The following TET3 variants were observed in gnomAD, a reference collection of about 807,000 sequenced individuals.
TET3 encodes tet methylcytosine dioxygenase 3, also known as methylcytosine dioxygenase TET3.
A neutral mutation model predicts 141.4 loss-of-function variants in TET3; 19 were observed. The ratio of observed to expected loss-of-function variants is 0.13; its 90% CI spans 0.09 to 0.20. The LOEUF (loss-of-function observed/expected upper bound fraction) is 0.20. Among genes scored for constraint, TET3 ranks in the 10% least tolerant of loss-of-function variants. TET3 has a pLI of 1.00. For missense variants in TET3, 1,874 were observed against 2,356.9 expected, an observed-to-expected ratio of 0.80 and a Z score of 4.24; for synonymous variants, 1,043 against 980.9, an observed-to-expected ratio of 1.06 and a Z score of -1.18.
chr2:73,987,444 G>A (rs1312813330), intron 2 of TET3, among the ~76,000 whole-genome samples: 1 of 152,178 alleles, frequency 6.6e-6, no homozygotes, highest in Non-Finnish European at 1.5e-5. Context: ...AGCAGGCAGG[G>A]TGGGAAGGAA....
intron 2 of TET3, among the ~76,000 whole-genome samples, chr2:73,991,653 A>C (rs1039395905): frequency 2.0e-5 from 3 of 151,964 alleles, no homozygotes; most frequent in Non-Finnish European, 4.4e-5. Flanking sequence ...ATTCTGATTT[A>C]ATTGATCCAG....
intron 10 of TET3, among the ~76,000 whole-genome samples, chr2:74,095,018 G>A (rs1162804797): frequency 6.6e-6 from 1 of 152,114 alleles, no homozygotes; most frequent in East Asian, 1.9e-4. Context: ...AGGGAGTTTG[G>A]ACTTGGTTAG....
At chr2:74,080,739 T>G in intron 6 of TET3, 148 bp downstream of exon 6, 5 of 634,794 alleles carry the variant, frequency 7.9e-6, no homozygotes, top group East Asian at 3.3e-5. Flanking sequence ...GACAACATGT[T>G]GACTGTCCAG....
rs1378643663 is a variant in TET3 at position 74,099,628 on chromosome 2, G to A, written c.3604+16G>A. The stretch of plus-strand genomic sequence containing the variant: ...TCGGACCCAGGTGTGTGGGGGGAGG[G>A]TGCCCGCTTGGAGTCACAATGGCAC... On this transcript the variant is annotated intron_variant, in intron 11 of 11. Coordinates refer to ENST00000409262, the MANE Select transcript of TET3 (RefSeq NM_001287491.2). 6.5e-7 allele frequency: 1 copy of A among 1,533,876 alleles called. No individual in the cohort carries two copies. Among genetic ancestry groups the A allele is most frequent in the South Asian group, 1.2e-5 (1 of 80,808 alleles).
At chr2:73,993,081 A>T (rs1684415097) in intron 2 of TET3, 1 of 152,232 alleles carries the variant, frequency 6.6e-6, no homozygotes, top group African/African-American at 2.4e-5. Context: ...CACCTGGGAA[A>T]CGTAGCAAAA....
chr2:74,036,057 A>C (rs1687040577), intron 3 of TET3, among the ~76,000 whole-genome samples: 1 of 152,204 alleles, frequency 6.6e-6, no homozygotes, highest in Non-Finnish European at 1.5e-5. Context: ...ACTTGGTATT[A>C]AACTAAAATA....
chr2:74,096,402 G>C (rs553299029), intron 10 of TET3, among the ~76,000 whole-genome samples: 2 of 152,168 alleles, frequency 1.3e-5, no homozygotes, highest in Admixed American at 1.3e-4. Context: ...TCTGTTCAGC[G>C]TAATAAAACA....
chr2:74,079,214 G>A (rs1442851546), intron 5 of TET3, among the ~76,000 whole-genome samples: 1 of 152,206 alleles, frequency 6.6e-6, no homozygotes, highest in East Asian at 1.9e-4. Context: ...GGGCGTGGTG[G>A]CAGGCACCTG....
At chr2:74,123,240 G>T in the TET3 span, 1 of 152,238 alleles carries the variant, frequency 6.6e-6, no homozygotes, top group Admixed American at 6.5e-5. Flanking sequence ...CAAATCGCTT[G>T]AATTCAGGCG....
At position 74,047,252 on chromosome 2, in the gene TET3, G is replaced by A. The variant is rs747629760; in HGVS notation, c.1335G>A (p.Thr445=). Reference sequence around the variant, plus strand: ...GGGGCACTGACACCCCTCCAGCAACGCCCCGGAGCTCCTGGCCCATGCCTC... The same window carrying A: ...GGGGCACTGACACCCCTCCAGCAACACCCCGGAGCTCCTGGCCCATGCCTC... The part of the protein sequence containing the change: ...EAWGTDTPPA[T]PRSSWPMPRP... Residue 445 remains threonine (T), a synonymous_variant, in exon 4 of 12, where the codon ACG becomes ACA. Transcript: ENST00000409262. 6.8e-6 allele frequency: 11 copies of A among 1,613,930 alleles called. No individual in the cohort carries two copies. Among genetic ancestry groups the A allele is most frequent in the South Asian group, 3.3e-5 (3 of 91,080 alleles).
rs556931394 is a variant in TET3 at position 74,103,866 on chromosome 2, A to G, written c.*1690A>G. The G allele has an allele frequency of 2.0e-5, 3 of 153,488 alleles. No homozygotes were observed. In the Admixed American group the frequency reaches 2.0e-4, roughly 10 times the overall value. 9.5% of individuals were successfully genotyped at this position (153,488 alleles called of 1,614,324 possible). Reference sequence around the variant, plus strand: ...CACGGTGGATGACCACCAAGCCCTGAGATGAACAGGTATTTACTGAGCAGT... The same window carrying G: ...CACGGTGGATGACCACCAAGCCCTGGGATGAACAGGTATTTACTGAGCAGT... On this transcript the variant is annotated 3_prime_UTR_variant, in exon 12 of 12. Coordinates refer to ENST00000409262, the MANE Select transcript of TET3 (RefSeq NM_001287491.2).
chr2:74,088,338 C>T (rs867580343), intron 7 of TET3, among the ~76,000 whole-genome samples: 12 of 152,080 alleles, frequency 7.9e-5, no homozygotes, highest in South Asian at 2.1e-4. Flanking sequence ...TAGAAGGTAT[C>T]GAAGATATTT....
intron 4 of TET3, among the ~76,000 whole-genome samples, chr2:74,068,307 G>A (rs1340516555): frequency 6.6e-6 from 1 of 151,524 alleles, no homozygotes; most frequent in Non-Finnish European, 1.5e-5. Context: ...GTACGTGTGT[G>A]TATGTACAAA....
At chr2:73,989,540 C>A (rs75857081) in intron 2 of TET3, among the ~76,000 whole-genome samples, 2 of 152,000 alleles carry the variant, frequency 1.3e-5, no homozygotes, top group Admixed American at 6.6e-5. Flanking sequence ...TGGGCTTTGT[C>A]GGTGGGGAGA....
At chr2:74,040,766 G>A (rs1019179778) in intron 3 of TET3, among the ~76,000 whole-genome samples, 1 of 152,132 alleles carries the variant, frequency 6.6e-6, no homozygotes, top group Non-Finnish European at 1.5e-5. Flanking sequence ...AAAATCAGCT[G>A]GGCATGGTGG....
intron 3 of TET3, among the ~76,000 whole-genome samples, chr2:74,036,048 C>T (rs1003980949): frequency 1.3e-5 from 2 of 152,210 alleles, no homozygotes; most frequent in Admixed American, 6.5e-5. Context: ...CCCGTCGGCA[C>T]TTGGTATTAA....
chr2:74,081,041 C>T (rs1689792892), intron 6 of TET3, among the ~76,000 whole-genome samples: 1 of 152,220 alleles, frequency 6.6e-6, no homozygotes, highest in African/African-American at 2.4e-5. Flanking sequence ...GCCTGGAAGC[C>T]AGAGACAAAC....
chr2:74,134,672 G>A, the TET3 span: 5 of 456,574 alleles, frequency 1.1e-5, no homozygotes, highest in Non-Finnish European at 2.2e-5. Context: ...AGTCTGTGGG[G>A]GCAGTCACAA....
chr2:74,031,400 C>T (rs2105291315), intron 3 of TET3, among the ~76,000 whole-genome samples: 1 of 152,230 alleles, frequency 6.6e-6, no homozygotes, highest in Non-Finnish European at 1.5e-5. Flanking sequence ...TGCGCAAATG[C>T]CTAGGTTCCT....
Sources: gnomAD v4.1 joint callset for allele counts (sites outside exome capture counted in the v4.1 genomes callset) on GRCh38, gnomAD v4.1.1 for gene constraint, MANE v1.5 for transcripts, NCBI Gene and HGNC (gene_info 2026-07-23, HGNC 2026-07-21) for gene names.